Variants in PANK1 observed in about 807,000 individuals in gnomAD.
PANK1 encodes pantothenic acid kinase 1.
PANK1 carries 18 observed loss-of-function variants against 40.1 expected under a neutral mutation model. That is an observed-to-expected ratio of 0.45 (90% CI 0.31 to 0.67). The LOEUF is 0.67. Ranked by LOEUF, PANK1 falls within the 30% of genes least tolerant of loss-of-function variation. The pLI is 0.06. For synonymous variants in PANK1, 242 were observed against 237.7 expected, an observed-to-expected ratio of 1.02 and a Z score of -0.17; for missense variants, 457 against 599.6, an observed-to-expected ratio of 0.76 and a Z score of 2.48.
At chr10:89,640,390 A>AACAC (rs1414977112) in intron 1 of PANK1, among the ~76,000 whole-genome samples, 2 of 100,436 alleles carry the variant, frequency 2.0e-5, no homozygotes, top group African/African-American at 8.7e-5. Flanking sequence ...TCAAGGAGAG[A>AACAC]ATACACACAC....
At chr10:89,637,872 A>C (rs1841866290) in intron 1 of PANK1, among the ~76,000 whole-genome samples, 1 of 152,132 alleles carries the variant, frequency 6.6e-6, no homozygotes, top group Admixed American at 6.5e-5. Context: ...TAGGTGTACA[A>C]AAATATTTTC....
intron 6 of PANK1, among the ~76,000 whole-genome samples, chr10:89,586,966 T>C (rs1014283713): frequency 4.0e-5 from 6 of 151,898 alleles, no homozygotes; most frequent in African/African-American, 1.5e-4. Flanking sequence ...CTACTAAAAA[T>C]ATGAAAATTA....
chr10:89,608,030 CTTTTTT>C (rs33976210), intron 2 of PANK1, among the ~76,000 whole-genome samples: 1 of 110,984 alleles, frequency 9.0e-6, no homozygotes, highest in African/African-American at 2.9e-5. Flanking sequence ...TGATCCTAAA[CTTTTTT>C]TTTTTTTTTT....
At chr10:89,607,480 C>T (rs1377902997) in intron 2 of PANK1, among the ~76,000 whole-genome samples, 1 of 152,084 alleles carries the variant, frequency 6.6e-6, no homozygotes, top group Non-Finnish European at 1.5e-5. Context: ...CAAGAATTAC[C>T]TACATGTGAC....
intron 3 of PANK1, among the ~76,000 whole-genome samples, chr10:89,598,501 G>A (rs1388682158): frequency 1.3e-5 from 2 of 152,226 alleles, no homozygotes; most frequent in African/African-American, 4.8e-5. Context: ...TCCACATGCT[G>A]GAGAAATGCT....
At chr10:89,592,746 C>T (rs747485081) in intron 5 of PANK1, 2 of 535,042 alleles carry the variant, frequency 3.7e-6, no homozygotes, top group Admixed American at 3.9e-5. Flanking sequence ...GTAGCAAGCT[C>T]TCTGTGCTTT....
At chr10:89,604,608 C>T (rs970781812) in intron 2 of PANK1, among the ~76,000 whole-genome samples, 3 of 150,344 alleles carry the variant, frequency 2.0e-5, no homozygotes, top group Non-Finnish European at 3.0e-5. Flanking sequence ...GTAGGAGAAT[C>T]GCCTGAACCC....
chr10:89,592,152 C>T (rs1385849202), intron 5 of PANK1, among the ~76,000 whole-genome samples: 3 of 152,226 alleles, frequency 2.0e-5, no homozygotes, highest in African/African-American at 7.2e-5. Context: ...CCCATTTAAA[C>T]TCCGTCTGAA....
At chr10:89,597,527 T>A (rs569974506) in intron 3 of PANK1, among the ~76,000 whole-genome samples, 1 of 152,324 alleles carries the variant, frequency 6.6e-6, no homozygotes, top group East Asian at 1.9e-4. Flanking sequence ...TTACCAATAT[T>A]TATAGACATT....
chr10:89,630,555 C>T lies in PANK1; in HGVS notation c.292+14045G>A, dbSNP rs116926503. On this transcript the variant is annotated intron_variant, in intron 1 of 6. Coordinates refer to ENST00000307534, the MANE Select transcript of PANK1 (RefSeq NM_148977.3). ...TCACCCAGGCTGGAGTGCAGCGGCG[C>T]GATCTTGGTGTACTGCAAGCTCTGC... Among the ~76,000 whole-genome samples, 821 of 151,220 alleles carry T rather than the reference C, an allele frequency of 5.4e-3. 4 individuals are homozygous for T. The highest frequency in any genetic ancestry group is 8.5e-3 in the Non-Finnish European group (579 of 67,934).
At chr10:89,595,829 AAAAAATATATATATAT>A (rs1332868592) in intron 3 of PANK1, among the ~76,000 whole-genome samples, 3 of 66,690 alleles carry the variant, frequency 4.5e-5, no homozygotes, top group Non-Finnish European at 2.6e-5. Flanking sequence ...AAAAAAAAAA[AAAAAATATATATATAT>A]ATATATATAT....
At chr10:89,610,464 GA>G (rs10709875) in intron 2 of PANK1, among the ~76,000 whole-genome samples, 58,816 of 149,086 alleles carry the variant, frequency 0.39, 11,822 homozygotes, top group Non-Finnish European at 0.46. Context: ...GGACATAGAA[GA>G]AAAAAAAAAA....
At chr10:89,638,323 C>T (rs954931220) in intron 1 of PANK1, among the ~76,000 whole-genome samples, 3 of 152,218 alleles carry the variant, frequency 2.0e-5, no homozygotes, top group Non-Finnish European at 2.9e-5. Context: ...GCACCCTGTG[C>T]CTGTGATGGG....
intron 3 of PANK1, among the ~76,000 whole-genome samples, chr10:89,594,821 T>C (rs1844515169): frequency 6.6e-6 from 1 of 152,178 alleles, no homozygotes; most frequent in Non-Finnish European, 1.5e-5. Flanking sequence ...TGTATTAATA[T>C]CAAAGTTACC....
downstream of PANK1, chr10:89,582,685 G>A (rs1197981691): frequency 6.6e-6 from 1 of 152,180 alleles, no homozygotes; most frequent in African/African-American, 2.4e-5. Flanking sequence ...CCAGATAGAA[G>A]TTGGTAAAAT....
intron 1 of PANK1, among the ~76,000 whole-genome samples, chr10:89,621,628 G>A (rs1373869398): frequency 6.6e-6 from 1 of 152,170 alleles, no homozygotes; most frequent in Admixed American, 6.5e-5. Flanking sequence ...CTGGTCTGAG[G>A]TGAGGTGTCT....
intron 6 of PANK1, among the ~76,000 whole-genome samples, chr10:89,587,865 T>C (rs191821922): frequency 6.6e-6 from 1 of 152,228 alleles, no homozygotes; most frequent in East Asian, 1.9e-4. Context: ...TTATGATTTA[T>C]GAATACAATG....
chr10:89,586,843 TAAGGGG>T (rs1564615084), intron 6 of PANK1, among the ~76,000 whole-genome samples: 2 of 152,100 alleles, frequency 1.3e-5, no homozygotes, highest in Non-Finnish European at 1.5e-5. Flanking sequence ...AAACTCCAAG[TAAGGGG>T]GCCGGGGTGG....
chr10:89,636,214 G>T (rs1234321652), intron 1 of PANK1, among the ~76,000 whole-genome samples: 1 of 152,188 alleles, frequency 6.6e-6, no homozygotes, highest in Non-Finnish European at 1.5e-5. Flanking sequence ...CCCTAGTAAG[G>T]GCCCTCTGGG....
Sources: gnomAD v4.1 joint callset for allele counts (sites outside exome capture counted in the v4.1 genomes callset) on GRCh38, gnomAD v4.1.1 for gene constraint, MANE v1.5 for transcripts, NCBI Gene and HGNC (gene_info 2026-07-23, HGNC 2026-07-21) for gene names.